The following SDK1 variants were observed in gnomAD, a reference collection of about 807,000 sequenced individuals.
SDK1 encodes the protein protein sidekick-1.
SDK1 carries 157 observed loss-of-function variants against 245.5 expected under a neutral mutation model. The observed-to-expected ratio is 0.64, with a 90% CI of 0.56 to 0.73. The LOEUF (loss-of-function observed/expected upper bound fraction) is 0.73, where lower values mean the gene tolerates loss of function less well. Among genes scored for constraint, SDK1 ranks in the 30% least tolerant of loss-of-function variants. The probability of loss-of-function intolerance (pLI) is 0.00; values close to 1 mark genes in which losing one functional copy is unlikely to be tolerated. For synonymous variants in SDK1, 1,647 were observed against 1,278.5 expected (o/e 1.29, Z -6.15); for missense variants, 3,583 against 3,002.3 (o/e 1.19, Z -4.52).
intron 5 of SDK1, among the ~76,000 whole-genome samples, chr7:3,893,369 C>T (rs1781510572): frequency 6.6e-6 from 1 of 152,100 alleles, no homozygotes; most frequent in Non-Finnish European, 1.5e-5. Context: ...CCGCGGTTGG[C>T]TTGCTATGCT....
intron 4 of SDK1, among the ~76,000 whole-genome samples, chr7:3,673,462 A>G (rs1182600301): frequency 6.6e-6 from 1 of 152,210 alleles, no homozygotes; most frequent in Non-Finnish European, 1.5e-5. Context: ...AGCTTATGTG[A>G]GAACCTTAAA....
chr7:3,841,531 C>G (rs1360284074), intron 5 of SDK1, among the ~76,000 whole-genome samples: 2 of 152,092 alleles, frequency 1.3e-5, no homozygotes, highest in Non-Finnish European at 2.9e-5. Context: ...CAGAACTGCC[C>G]ACCTTAGGTC....
At chr7:4,010,312 A>G (rs898914893) in intron 14 of SDK1, among the ~76,000 whole-genome samples, 6 of 152,256 alleles carry the variant, frequency 3.9e-5, no homozygotes, top group African/African-American at 1.4e-4. Context: ...TAGGATCTCC[A>G]GCAGAACCTT....
At chr7:3,649,386 A>G (rs752268122) in intron 4 of SDK1, among the ~76,000 whole-genome samples, 10 of 152,062 alleles carry the variant, frequency 6.6e-5, no homozygotes, top group South Asian at 4.1e-4. Context: ...CATCCCAATC[A>G]AGAGAGTTCG....
intron 1 of SDK1, among the ~76,000 whole-genome samples, chr7:3,475,159 G>C (rs1428829656): frequency 6.6e-6 from 1 of 152,100 alleles, no homozygotes; most frequent in Non-Finnish European, 1.5e-5. Flanking sequence ...CCCTTATGTA[G>C]AAGCTGATGA....
rs1036503377 is a variant in SDK1, at chr7:3,963,894, C to A, written c.1429+1043C>A. Among the ~76,000 whole-genome samples the A allele has an allele frequency of 2.0e-5, 3 of 152,078 alleles. No individual in the cohort carries two copies. In the South Asian group the frequency reaches 6.2e-4, roughly 32 times the overall value. On this transcript the variant is annotated intron_variant, in intron 9 of 44. Transcript: ENST00000404826. Reference sequence around the variant, plus strand: ...GCTACCCGGACATATCCAGTGGGTACACCCAGGCTCACAGCTACCTGACCT... The same window carrying A: ...GCTACCCGGACATATCCAGTGGGTAAACCCAGGCTCACAGCTACCTGACCT...
chr7:4,170,563 G>C (rs974844072), intron 32 of SDK1, among the ~76,000 whole-genome samples: 2 of 152,142 alleles, frequency 1.3e-5, no homozygotes, highest in Admixed American at 6.5e-5. Context: ...CACATCTCTG[G>C]TGGTGCTTTC....
chr7:3,535,987 T>G (rs1275710142), intron 1 of SDK1, among the ~76,000 whole-genome samples: 1 of 152,062 alleles, frequency 6.6e-6, no homozygotes, highest in Non-Finnish European at 1.5e-5. Flanking sequence ...AATAAGAAAT[T>G]TAAGTTTTTA....
intron 1 of SDK1, among the ~76,000 whole-genome samples, chr7:3,367,850 T>G (rs1380429603): frequency 1.3e-5 from 2 of 152,246 alleles, no homozygotes; most frequent in African/African-American, 4.8e-5. Flanking sequence ...ATATAAGCTA[T>G]TATAACAAAA....
chr7:3,789,614 G>A (rs905459351), intron 4 of SDK1, among the ~76,000 whole-genome samples: 4 of 152,310 alleles, frequency 2.6e-5, no homozygotes, highest in African/African-American at 9.6e-5. Context: ...TTGGAAAAGT[G>A]TATCATCCAA....
intron 19 of SDK1, among the ~76,000 whole-genome samples, chr7:4,054,879 G>C (rs936205810): frequency 2.6e-5 from 4 of 151,962 alleles, no homozygotes; most frequent in African/African-American, 9.7e-5. Flanking sequence ...TTTCTTCTTA[G>C]CTTGTTGGTC....
intron 37 of SDK1, 47 bp downstream of exon 37, chr7:4,208,332 G>C (rs1584449130): frequency 1.3e-6 from 2 of 1,564,784 alleles, no homozygotes; most frequent in African/African-American, 2.7e-5. Flanking sequence ...TTGGACACGT[G>C]TTTTGAGAGC....
At chr7:3,893,182 TTGTTG>T (rs1207672645) in intron 5 of SDK1, among the ~76,000 whole-genome samples, 1 of 152,158 alleles carries the variant, frequency 6.6e-6, no homozygotes, top group Non-Finnish European at 1.5e-5. Flanking sequence ...AGGAAATTTT[TTGTTG>T]TGTTGAGTCA....
intron 4 of SDK1, among the ~76,000 whole-genome samples, chr7:3,661,150 T>G (rs910840081): frequency 6.6e-6 from 1 of 152,232 alleles, no homozygotes; most frequent in African/African-American, 2.4e-5. Context: ...GAGTTCAGTA[T>G]TCTAGCTAAA....
At chr7:3,606,190 T>G (rs1006195445) in intron 1 of SDK1, among the ~76,000 whole-genome samples, 1 of 152,188 alleles carries the variant, frequency 6.6e-6, no homozygotes, top group African/African-American at 2.4e-5. Context: ...TTTCTGGTTT[T>G]TCTGGCCAGA....
At chr7:3,365,500 TATTTC>T (rs1781064771) in intron 1 of SDK1, among the ~76,000 whole-genome samples, 5 of 152,172 alleles carry the variant, frequency 3.3e-5, no homozygotes, top group Admixed American at 3.3e-4. Flanking sequence ...CCCCTTAACT[TATTTC>T]ATTATATATT....
chr7:3,723,941 TATAG>T lies in SDK1; in HGVS notation c.713+81838_713+81841del, dbSNP rs1442039163. On this transcript the variant is annotated intron_variant, in intron 4 of 44. Coordinates refer to ENST00000404826, the MANE Select transcript of SDK1 (RefSeq NM_152744.4). ...ATATACACGTATATATATATATATA[TATAG>T]AGAGAGAGAGAGAGAGAGAGAGAGA... 2.7e-3 allele frequency among the ~76,000 whole-genome samples: 298 copies of T among 111,350 alleles called. 13 individuals are homozygous for T. Among genetic ancestry groups the T allele is most frequent in the East Asian group, 0.019 (81 of 4,352 alleles). 73.0% of individuals were successfully genotyped at this position (111,350 alleles called of 152,430 possible).
intron 5 of SDK1, among the ~76,000 whole-genome samples, chr7:3,838,853 C>A (rs549560490): frequency 6.6e-6 from 1 of 152,122 alleles, no homozygotes; most frequent in Admixed American, 6.6e-5. Context: ...AAGTCTCTAT[C>A]AAAAACAGGG....
intron 13 of SDK1, among the ~76,000 whole-genome samples, chr7:3,975,720 A>C (rs556023558): frequency 6.6e-6 from 1 of 152,378 alleles, no homozygotes; most frequent in African/African-American, 2.4e-5. Context: ...CTGTGGTGTC[A>C]TCAGTACCTG....
Sources: gnomAD v4.1 joint callset for allele counts (sites outside exome capture counted in the v4.1 genomes callset) on GRCh38, gnomAD v4.1.1 for gene constraint, MANE v1.5 for transcripts, NCBI Gene and HGNC (gene_info 2026-07-23, HGNC 2026-07-21) for gene names.